IGSF11: variants seen among roughly 807,000 people sequenced by gnomAD.
IGSF11 encodes the protein immunoglobulin superfamily member 11.
In IGSF11, 22 loss-of-function variants were observed where a neutral mutation model predicts 41.0. That is an observed-to-expected ratio of 0.54 (90% CI 0.38 to 0.77). The LOEUF (loss-of-function observed/expected upper bound fraction) is 0.77. IGSF11 is among the 30% of genes least tolerant of loss of function. IGSF11 has a pLI of 0.00. For synonymous variants in IGSF11, 219 were observed against 201.3 expected (o/e 1.09, Z -0.74); for missense variants, 444 against 530.8 (o/e 0.84, Z 1.61).
At chr3:118,986,243 G>A (rs901911806) in intron 1 of IGSF11, among the ~76,000 whole-genome samples, 4 of 151,984 alleles carry the variant, frequency 2.6e-5, no homozygotes, top group African/African-American at 7.3e-5. Flanking sequence ...TCTACCTTAC[G>A]TGCAGAGGAA....
intron 1 of IGSF11, among the ~76,000 whole-genome samples, chr3:119,015,099 T>G (rs1231704180): frequency 6.6e-6 from 1 of 152,194 alleles, no homozygotes; most frequent in Non-Finnish European, 1.5e-5. Context: ...TGTTTATTAC[T>G]GCAAACAAAC....
At position 119,057,216 on chromosome 3, in the gene IGSF11, A is replaced by G. The variant is rs542683344; in HGVS notation, c.49+47928T>C. ...TTGCAGACGACATGACTGTATATCTAGAAAACCCCATCGTCTCAGCCCAAA... is the reference window on the plus strand; with the variant it reads ...TTGCAGACGACATGACTGTATATCTGGAAAACCCCATCGTCTCAGCCCAAA... On this transcript the variant is annotated intron_variant, in intron 1 of 6. Transcript: ENST00000354673. 1.4e-3 allele frequency among the ~76,000 whole-genome samples: 213 copies of G among 152,328 alleles called. 2 individuals are homozygous for G. Among genetic ancestry groups the G allele is most frequent in the African/African-American group, 4.6e-3 (192 of 41,572 alleles).
chr3:119,057,634 T>C (rs1341050459), intron 1 of IGSF11, among the ~76,000 whole-genome samples: 1 of 152,200 alleles, frequency 6.6e-6, no homozygotes, highest in Non-Finnish European at 1.5e-5. Flanking sequence ...TTAAAGTTCA[T>C]GTGGAACCAA....
intron 4 of IGSF11, among the ~76,000 whole-genome samples, chr3:118,906,769 G>T (rs1334940990): frequency 1.3e-5 from 2 of 152,146 alleles, no homozygotes; most frequent in Non-Finnish European, 2.9e-5. Flanking sequence ...ACTTTAAAAA[G>T]TTAATAGTTA....
intron 1 of IGSF11, among the ~76,000 whole-genome samples, chr3:119,132,332 G>A (rs142461186): frequency 2.8e-3 from 334 of 117,740 alleles, no homozygotes; most frequent in African/African-American, 0.011. Flanking sequence ...ACACATATAG[G>A]CTCAAAATAA....
intron 1 of IGSF11, among the ~76,000 whole-genome samples, chr3:118,955,215 T>TAC (rs1215323013): frequency 7.4e-6 from 1 of 135,060 alleles, no homozygotes; most frequent in African/African-American, 3.3e-5. Flanking sequence ...TATGTATATG[T>TAC]ACATACACAC....
chr3:119,107,439 T>A (rs930547370), upstream of IGSF11, among the ~76,000 whole-genome samples: 3 of 152,162 alleles, frequency 2.0e-5, no homozygotes, highest in Non-Finnish European at 2.9e-5. Context: ...GGGTTGTTTG[T>A]TTTTTTCTTG....
intron 1 of IGSF11, among the ~76,000 whole-genome samples, chr3:118,955,683 A>G (rs1944907714): frequency 1.3e-5 from 2 of 152,080 alleles, no homozygotes. Context: ...CCTGCTATAA[A>G]CAGATGTGCT....
intron 1 of IGSF11, among the ~76,000 whole-genome samples, chr3:119,083,549 CACACAT>C (rs373016739): frequency 0.33 from 49,324 of 148,814 alleles, 8,111 homozygotes; most frequent in Middle Eastern, 0.39. Flanking sequence ...CACACACACA[CACACAT>C]AGAGTCATGT....
intron 3 of IGSF11, 30 bp from the exon 4 acceptor site, chr3:118,926,286 C>T: frequency 3.9e-6 from 6 of 1,527,788 alleles, no homozygotes; most frequent in Non-Finnish European, 4.4e-6. Flanking sequence ...CAATAAAGTA[C>T]ACATTTTACT....
chr3:119,124,590 G>A (rs2077378209), intron 1 of IGSF11, among the ~76,000 whole-genome samples: 1 of 151,608 alleles, frequency 6.6e-6, no homozygotes, highest in Non-Finnish European at 1.5e-5. Context: ...TAAGCTTGAA[G>A]ACAGACTATT....
chr3:118,931,907 G>A (rs1321908551), intron 1 of IGSF11, among the ~76,000 whole-genome samples: 1 of 151,972 alleles, frequency 6.6e-6, no homozygotes, highest in Non-Finnish European at 1.5e-5. Flanking sequence ...TAATTTTTTT[G>A]TATTTTTAGT....
intron 1 of IGSF11, among the ~76,000 whole-genome samples, chr3:119,076,777 GATGTGGAGAA>G (rs2076506877): frequency 6.6e-6 from 1 of 150,948 alleles, no homozygotes; most frequent in African/African-American, 2.4e-5. Flanking sequence ...TGCTGGAGAG[GATGTGGAGAA>G]ATAGGAACAC....
At chr3:118,960,971 C>G (rs1945299061) in intron 1 of IGSF11, among the ~76,000 whole-genome samples, 1 of 152,198 alleles carries the variant, frequency 6.6e-6, no homozygotes, top group Admixed American at 6.5e-5. Context: ...TTTACACATT[C>G]ATTTATTTGA....
intron 1 of IGSF11, among the ~76,000 whole-genome samples, chr3:119,076,174 T>G (rs2076495476): frequency 6.6e-6 from 1 of 152,188 alleles, no homozygotes; most frequent in South Asian, 2.1e-4. Context: ...GATTACCTAC[T>G]TAATAAATGG....
At chr3:119,116,255 C>CT (rs932847050) in intron 1 of IGSF11, among the ~76,000 whole-genome samples, 39 of 151,576 alleles carry the variant, frequency 2.6e-4, no homozygotes, top group Non-Finnish European at 4.4e-4. Context: ...GGAATATGCT[C>CT]TTTTTTTTTC....
intron 1 of IGSF11, among the ~76,000 whole-genome samples, chr3:119,024,554 G>A (rs1042268006): frequency 3.3e-5 from 5 of 152,084 alleles, no homozygotes; most frequent in Non-Finnish European, 7.4e-5. Context: ...AAAAAGAACA[G>A]CTAGGCAACA....
At chr3:119,095,734 C>T (rs1173899472) in intron 1 of IGSF11, among the ~76,000 whole-genome samples, 1 of 152,186 alleles carries the variant, frequency 6.6e-6, no homozygotes, top group African/African-American at 2.4e-5. Context: ...GGTTGCTTTA[C>T]AGGAGAGAAA....
At chr3:119,053,026 C>G (rs1217674069) in intron 1 of IGSF11, among the ~76,000 whole-genome samples, 5 of 152,144 alleles carry the variant, frequency 3.3e-5, no homozygotes, top group Admixed American at 2.0e-4. Flanking sequence ...GTGACAAACC[C>G]ACAGCCAACA....
Sources: gnomAD v4.1 joint callset for allele counts (sites outside exome capture counted in the v4.1 genomes callset) on GRCh38, gnomAD v4.1.1 for gene constraint, MANE v1.5 for transcripts, NCBI Gene and HGNC (gene_info 2026-07-23, HGNC 2026-07-21) for gene names.